LTBP1: variants seen among roughly 807,000 people sequenced by gnomAD.
LTBP1 encodes the protein latent-transforming growth factor beta-binding protein 1.
Under a neutral mutation model 207.6 loss-of-function variants are expected in LTBP1, and 129 were observed. That is an observed-to-expected ratio of 0.62 (90% CI 0.54 to 0.72). The LOEUF is 0.72. Ranked by LOEUF, LTBP1 falls within the 30% of genes least tolerant of loss-of-function variation. LTBP1 has a pLI of 0.00. For synonymous variants in LTBP1, 963 were observed against 833.7 expected (o/e 1.16, Z -2.67); for missense variants, 2,281 against 2,217.2 (o/e 1.03, Z -0.58).
At chr2:33,130,221 G>A (rs898086430) in intron 4 of LTBP1, among the ~76,000 whole-genome samples, 10 of 152,168 alleles carry the variant, frequency 6.6e-5, no homozygotes, top group Non-Finnish European at 1.3e-4. Context: ...GAGTGTACAC[G>A]TGACTTGTGT....
chr2:32,989,227 T>C (rs540511847), intron 2 of LTBP1, among the ~76,000 whole-genome samples: 1 of 152,342 alleles, frequency 6.6e-6, no homozygotes, highest in South Asian at 2.1e-4. Context: ...TTTTAACTTA[T>C]TAATTAATGT....
chr2:33,355,371 G>A (rs759259897), intron 26 of LTBP1, among the ~76,000 whole-genome samples: 28 of 151,926 alleles, frequency 1.8e-4, no homozygotes, highest in Admixed American at 8.5e-4. Context: ...ACAACACGGC[G>A]TAGTATTTAC....
chr2:33,230,349 A>G (rs914204455), intron 9 of LTBP1, among the ~76,000 whole-genome samples: 4 of 152,152 alleles, frequency 2.6e-5, no homozygotes, highest in African/African-American at 9.7e-5. Flanking sequence ...CTTTCAAATA[A>G]TTGCCCTCAA....
chr2:33,234,548 A>G (rs923135725), intron 9 of LTBP1, among the ~76,000 whole-genome samples: 5 of 152,188 alleles, frequency 3.3e-5, no homozygotes, highest in African/African-American at 1.2e-4. Context: ...GAGAACTACA[A>G]ACCACTGCTC....
At chr2:33,379,915 G>A (rs927902123) in intron 31 of LTBP1, among the ~76,000 whole-genome samples, 6 of 152,144 alleles carry the variant, frequency 3.9e-5, no homozygotes, top group Non-Finnish European at 8.8e-5. Flanking sequence ...TTAAATATTA[G>A]AAGAGCTTTC....
rs193268589 is a variant in LTBP1, at chr2:33,205,715, T to A, written c.1702-11837T>A. Among the ~76,000 whole-genome samples, 178 of 152,276 alleles carry A rather than the reference T, an allele frequency of 1.2e-3. 4 individuals are homozygous for A. Among genetic ancestry groups the A allele is most frequent in the Non-Finnish European group, 4.6e-4 (31 of 68,018 alleles). ...TTAGTGCTATTGATGGAATTATGCC[T>A]CCCATCCCCAAATTCATATGTTGAA... On this transcript the variant is annotated intron_variant, in intron 7 of 33. Transcript: ENST00000404816.
chr2:33,289,059 T>C (rs182048398), intron 19 of LTBP1, among the ~76,000 whole-genome samples: 2 of 152,330 alleles, frequency 1.3e-5, no homozygotes, highest in African/African-American at 4.8e-5. Context: ...CTGCCTTTCC[T>C]GATACAGTGA....
chr2:33,070,000 T>C (rs1258028107), intron 3 of LTBP1, among the ~76,000 whole-genome samples: 20 of 152,182 alleles, frequency 1.3e-4, no homozygotes, highest in Admixed American at 1.3e-3. Flanking sequence ...CCTTTTAAAC[T>C]TCTTACAGTG....
At chr2:33,185,509 A>G (rs549163095) in intron 5 of LTBP1, among the ~76,000 whole-genome samples, 3 of 152,374 alleles carry the variant, frequency 2.0e-5, no homozygotes, top group African/African-American at 7.2e-5. Context: ...ATGAAATCAT[A>G]GAGAAAGAGT....
At chr2:33,032,399 C>G (rs2075732083) in intron 3 of LTBP1, among the ~76,000 whole-genome samples, 1 of 152,182 alleles carries the variant, frequency 6.6e-6, no homozygotes, top group Non-Finnish European at 1.5e-5. Context: ...GCCATAACTA[C>G]TTTTTGTTAT....
intron 3 of LTBP1, among the ~76,000 whole-genome samples, chr2:33,058,912 G>A (rs147311153): frequency 6.6e-6 from 1 of 152,316 alleles, no homozygotes; most frequent in East Asian, 1.9e-4. Context: ...TGCGGGAGAG[G>A]TTGGAAAATG....
chr2:33,386,451 C>T (rs2095266190), intron 31 of LTBP1, among the ~76,000 whole-genome samples: 1 of 152,188 alleles, frequency 6.6e-6, no homozygotes, highest in South Asian at 2.1e-4. Context: ...CATCCCCGGA[C>T]CTCAAGTCTC....
intron 5 of LTBP1, among the ~76,000 whole-genome samples, chr2:33,180,527 G>C (rs5006124): frequency 0.52 from 77,906 of 150,146 alleles, 20,397 homozygotes; most frequent in African/African-American, 0.54. Flanking sequence ...TCTCAGCTCA[G>C]TGCAACCCCT....
At chr2:33,257,202 A>T in intron 11 of LTBP1, 82 bp from the exon 12 acceptor site, 1 of 996,902 alleles carries the variant, frequency 1.0e-6, no homozygotes, top group South Asian at 1.5e-5. Flanking sequence ...ATTTATTAAG[A>T]GCTATTCATC....
chr2:33,034,726 T>G (rs2075837465), intron 3 of LTBP1, among the ~76,000 whole-genome samples: 1 of 152,214 alleles, frequency 6.6e-6, no homozygotes, highest in Non-Finnish European at 1.5e-5. Flanking sequence ...TAGCTGATTA[T>G]GTATAGGGTT....
chr2:33,315,939 A>G (rs1022391964), intron 24 of LTBP1, among the ~76,000 whole-genome samples: 6 of 152,222 alleles, frequency 3.9e-5, no homozygotes, highest in African/African-American at 1.2e-4. Context: ...CTCCGTCTAA[A>G]AAAGAAAAAA....
chr2:33,102,526 T>C (rs1046488549), intron 3 of LTBP1, among the ~76,000 whole-genome samples: 1 of 152,244 alleles, frequency 6.6e-6, no homozygotes, highest in Admixed American at 6.5e-5. Flanking sequence ...CTATATTTTT[T>C]CCCTCAAATA....
intron 26 of LTBP1, among the ~76,000 whole-genome samples, chr2:33,354,775 T>C (rs1246227735): frequency 6.6e-6 from 1 of 151,980 alleles, no homozygotes; most frequent in East Asian, 1.9e-4. Flanking sequence ...AGGATCTCGC[T>C]CTGTTGCCCA....
chr2:33,152,934 CTCAAATTTTTAAG>C (rs2083657745), intron 5 of LTBP1, among the ~76,000 whole-genome samples: 2 of 152,180 alleles, frequency 1.3e-5, no homozygotes, highest in Admixed American at 1.3e-4. Context: ...TTGGACAAGA[CTCAAATTTTTAAG>C]TCTTAATTTC....
Sources: allele counts gnomAD v4.1 joint callset (sites outside exome capture counted in the v4.1 genomes callset), GRCh38; gene constraint gnomAD v4.1.1; transcripts MANE v1.5; gene names NCBI Gene and HGNC (gene_info 2026-07-23, HGNC 2026-07-21).